Variants in PRKG1 observed in about 807,000 individuals in gnomAD.
PRKG1 encodes cGMP-dependent protein kinase 1.
Under a neutral mutation model 88.1 loss-of-function variants are expected in PRKG1, and 35 were observed. The observed-to-expected ratio is 0.40, with a 90% CI of 0.30 to 0.53. The LOEUF (loss-of-function observed/expected upper bound fraction) is 0.53. Ranked by LOEUF, PRKG1 falls within the 20% of genes least tolerant of loss-of-function variation. The probability of loss-of-function intolerance (pLI) is 0.59; values close to 1 mark genes in which losing one functional copy is unlikely to be tolerated. For synonymous variants in PRKG1, 303 were observed against 292.5 expected (o/e 1.04, Z -0.37); for missense variants, 540 against 839.8 (o/e 0.64, Z 4.41).
At position 51,503,115 on chromosome 10, in the gene PRKG1, G is replaced by A. The variant is rs148309783; in HGVS notation, c.592+35279G>A. 2.2e-4 allele frequency among the ~76,000 whole-genome samples: 34 copies of A among 152,160 alleles called. No individual in the cohort carries two copies. The East Asian group carries it at 2.3e-3, about 10-fold the overall frequency. ...TTCTTTAAAGGAGGAGGGAAAGTGC[G>A]CATTGTTAGCCATCTTGAACGTACC... On this transcript the variant is annotated intron_variant, in intron 3 of 17. Coordinates refer to ENST00000373980, the MANE Select transcript of PRKG1 (RefSeq NM_006258.4).
At chr10:51,848,994 C>CA (rs933731645) in intron 4 of PRKG1, among the ~76,000 whole-genome samples, 3 of 151,958 alleles carry the variant, frequency 2.0e-5, no homozygotes, top group African/African-American at 7.3e-5. Flanking sequence ...ATTTAAACTA[C>CA]AAAATCATAG....
At chr10:51,414,686 G>A (rs1268908114) in intron 2 of PRKG1, among the ~76,000 whole-genome samples, 4 of 152,066 alleles carry the variant, frequency 2.6e-5, no homozygotes, top group Non-Finnish European at 4.4e-5. Flanking sequence ...ATCAAAATGT[G>A]TACATTTTAG....
chr10:51,133,283 C>T (rs1307718734), intron 1 of PRKG1, among the ~76,000 whole-genome samples: 5 of 152,192 alleles, frequency 3.3e-5, no homozygotes. Context: ...CACCAGGAAT[C>T]TTCTTATACC....
chr10:52,117,637 A>G (rs867049791), intron 7 of PRKG1, among the ~76,000 whole-genome samples: 40 of 152,210 alleles, frequency 2.6e-4, no homozygotes, highest in African/African-American at 8.9e-4. Flanking sequence ...ATCTTTTATT[A>G]AAAAATAGAA....
At chr10:51,879,198 T>C (rs566262052) in intron 4 of PRKG1, among the ~76,000 whole-genome samples, 15 of 152,218 alleles carry the variant, frequency 9.9e-5, no homozygotes, top group Admixed American at 4.6e-4. Flanking sequence ...TTTTAAAAAA[T>C]AGCAGAAACC....
At chr10:51,876,190 C>A (rs1798596094) in intron 4 of PRKG1, among the ~76,000 whole-genome samples, 1 of 151,842 alleles carries the variant, frequency 6.6e-6, no homozygotes. Context: ...CATCCATGAA[C>A]ACATTTATGT....
chr10:51,724,697 TG>T (rs1383188977), intron 3 of PRKG1, among the ~76,000 whole-genome samples: 2 of 151,966 alleles, frequency 1.3e-5, no homozygotes, highest in East Asian at 1.9e-4. Context: ...GCTTCATTCA[TG>T]GGTTTTTGTT....
chr10:51,057,145 T>C (rs1332013471), intron 1 of PRKG1, among the ~76,000 whole-genome samples: 1 of 152,264 alleles, frequency 6.6e-6, no homozygotes, highest in Non-Finnish European at 1.5e-5. Flanking sequence ...TGCACACATA[T>C]ATATTGTGTG....
At chr10:51,911,397 A>G (rs1278917673) in intron 5 of PRKG1, among the ~76,000 whole-genome samples, 1 of 152,048 alleles carries the variant, frequency 6.6e-6, no homozygotes, top group Non-Finnish European at 1.5e-5. Flanking sequence ...CACAGCTGTA[A>G]AAGTATTTGC....
At chr10:51,560,114 T>C (rs1837420366) in intron 3 of PRKG1, among the ~76,000 whole-genome samples, 2 of 152,132 alleles carry the variant, frequency 1.3e-5, no homozygotes. Flanking sequence ...GCCTTCCATA[T>C]TATGTTCAAT....
chr10:51,882,959 A>C (rs1208512543), intron 4 of PRKG1, among the ~76,000 whole-genome samples: 1 of 152,210 alleles, frequency 6.6e-6, no homozygotes, highest in Non-Finnish European at 1.5e-5. Context: ...AAAACTGGTA[A>C]TACATTATGT....
intron 3 of PRKG1, among the ~76,000 whole-genome samples, chr10:51,555,793 G>C (rs759898272): frequency 6.6e-6 from 1 of 151,864 alleles, no homozygotes; most frequent in Admixed American, 6.6e-5. Flanking sequence ...GAAGAGGAAG[G>C]GTTACTTTTG....
At chr10:51,412,203 GAGAGAGAGAGAAAGAA>G (rs1327611859) in intron 2 of PRKG1, among the ~76,000 whole-genome samples, 3,378 of 119,834 alleles carry the variant, frequency 0.028, 135 homozygotes, top group African/African-American at 0.099. Flanking sequence ...GAGAGAGAGA[GAGAGAGAGAGAAAGAA>G]AGAGAGAAAG....
intron 3 of PRKG1, among the ~76,000 whole-genome samples, chr10:51,521,070 C>G (rs1403319811): frequency 3.9e-5 from 6 of 152,188 alleles, no homozygotes; most frequent in Non-Finnish European, 5.9e-5. Context: ...GGGTGGATCA[C>G]CTAGGTCGGG....
At chr10:51,939,736 T>C (rs77790409) in intron 5 of PRKG1, among the ~76,000 whole-genome samples, 44 of 152,014 alleles carry the variant, frequency 2.9e-4, no homozygotes, top group Non-Finnish European at 4.9e-4. Context: ...GCATTTTAAC[T>C]TACCAGTGGG....
At chr10:51,544,093 G>A (rs1307154006) in intron 3 of PRKG1, among the ~76,000 whole-genome samples, 1 of 152,006 alleles carries the variant, frequency 6.6e-6, no homozygotes, top group Admixed American at 6.6e-5. Flanking sequence ...TAGGGTACAT[G>A]TGAACAATGT....
chr10:52,251,287 A>C (rs540539649), intron 9 of PRKG1, among the ~76,000 whole-genome samples: 78 of 152,268 alleles, frequency 5.1e-4, no homozygotes, highest in African/African-American at 1.8e-3. Context: ...AAAGACCACC[A>C]TGTAACTTTG....
intron 2 of PRKG1, among the ~76,000 whole-genome samples, chr10:51,225,568 C>G (rs1388376672): frequency 1.3e-5 from 2 of 152,140 alleles, no homozygotes; most frequent in East Asian, 3.9e-4. Flanking sequence ...CCTTTTTAAT[C>G]TTTTGTTTTG....
At chr10:52,090,187 T>G (rs1847020771) in intron 7 of PRKG1, among the ~76,000 whole-genome samples, 1 of 152,004 alleles carries the variant, frequency 6.6e-6, no homozygotes, top group African/African-American at 2.4e-5. Flanking sequence ...ATTCTATACC[T>G]GGGGTAGGAA....
Sources: gnomAD v4.1 joint callset for allele counts (sites outside exome capture counted in the v4.1 genomes callset) on GRCh38, gnomAD v4.1.1 for gene constraint, MANE v1.5 for transcripts, NCBI Gene and HGNC (gene_info 2026-07-23, HGNC 2026-07-21) for gene names.